CERS6: variants seen among roughly 807,000 people sequenced by gnomAD.
CERS6 encodes the protein LAG1 homolog, ceramide synthase 6.
Under a neutral mutation model 56.8 loss-of-function variants are expected in CERS6, and 26 were observed. That is an observed-to-expected ratio of 0.46 (90% CI 0.34 to 0.63). The LOEUF is 0.63. Among genes scored for constraint, CERS6 ranks in the 30% least tolerant of loss-of-function variants. The pLI, the probability that CERS6 is intolerant of heterozygous loss-of-function variation, is 0.01. For missense variants in CERS6, 415 were observed against 467.5 expected (o/e 0.89, Z 1.04); for synonymous variants, 164 against 173.3 (o/e 0.95, Z 0.42).
At chr2:168,503,932 G>A (rs1694630907) in intron 1 of CERS6, among the ~76,000 whole-genome samples, 3 of 152,162 alleles carry the variant, frequency 2.0e-5, no homozygotes, top group Admixed American at 2.0e-4. Flanking sequence ...TTTCTTAGGG[G>A]TCTGGAGAGG....
chr2:168,462,080 T>C (rs1693789683), intron 1 of CERS6, among the ~76,000 whole-genome samples: 1 of 152,262 alleles, frequency 6.6e-6, no homozygotes, highest in Non-Finnish European at 1.5e-5. Context: ...CCATGTTGTA[T>C]ATTAAAAGTT....
At chr2:168,577,822 T>C (rs1683314620) in intron 3 of CERS6, among the ~76,000 whole-genome samples, 1 of 151,616 alleles carries the variant, frequency 6.6e-6, no homozygotes. Context: ...TTTTGAGGAG[T>C]GGGGAGAAAG....
chr2:168,685,390 A>G (rs183033523), intron 4 of CERS6, among the ~76,000 whole-genome samples: 3 of 152,330 alleles, frequency 2.0e-5, no homozygotes, highest in East Asian at 3.9e-4. Context: ...TTATGTTTCT[A>G]TTTAACCATT....
chr2:168,762,285 A>G (rs1265107091), intron 8 of CERS6, among the ~76,000 whole-genome samples: 1 of 152,182 alleles, frequency 6.6e-6, no homozygotes, highest in Non-Finnish European at 1.5e-5. Context: ...GCTGTTTTTA[A>G]AATACTTATA....
At chr2:168,710,608 A>C (rs974101889) in intron 6 of CERS6, among the ~76,000 whole-genome samples, 1 of 152,236 alleles carries the variant, frequency 6.6e-6, no homozygotes, top group Non-Finnish European at 1.5e-5. Flanking sequence ...CACATGATGG[A>C]ATCTAATAAC....
At chr2:168,736,005 A>G (rs1353263116) in intron 8 of CERS6, among the ~76,000 whole-genome samples, 2 of 152,088 alleles carry the variant, frequency 1.3e-5, no homozygotes, top group African/African-American at 4.8e-5. Context: ...CAGGAGTTTA[A>G]GACTAGCCTG....
At chr2:168,479,634 G>A (rs1050877423) in intron 1 of CERS6, among the ~76,000 whole-genome samples, 2 of 152,126 alleles carry the variant, frequency 1.3e-5, no homozygotes, top group African/African-American at 4.8e-5. Context: ...TTGAGACAGA[G>A]TTTTGCTCTT....
At chr2:168,673,121 G>A (rs1685964214) in intron 4 of CERS6, among the ~76,000 whole-genome samples, 1 of 152,078 alleles carries the variant, frequency 6.6e-6, no homozygotes, top group South Asian at 2.1e-4. Context: ...TGAAGAGGGT[G>A]GGTATTAATT....
At chr2:168,753,105 T>C (rs1352890301) in intron 8 of CERS6, among the ~76,000 whole-genome samples, 1 of 152,200 alleles carries the variant, frequency 6.6e-6, no homozygotes, top group Non-Finnish European at 1.5e-5. Flanking sequence ...TGTCTTAGGC[T>C]TTTATTTTGT....
At chr2:168,711,961 T>A (rs1445919184) in intron 6 of CERS6, among the ~76,000 whole-genome samples, 1 of 147,302 alleles carries the variant, frequency 6.8e-6, no homozygotes, top group Non-Finnish European at 1.5e-5. Context: ...AACAAAAAAA[T>A]AATAACTGAA....
chr2:168,535,542 G>C (rs986436269), intron 1 of CERS6, among the ~76,000 whole-genome samples: 7 of 152,042 alleles, frequency 4.6e-5, no homozygotes, highest in Non-Finnish European at 8.8e-5. Context: ...TCTGATGAGA[G>C]AACGTGGATA....
intron 1 of CERS6, among the ~76,000 whole-genome samples, chr2:168,538,371 A>G (rs947732182): frequency 6.6e-6 from 1 of 152,034 alleles, no homozygotes; most frequent in Non-Finnish European, 1.5e-5. Context: ...CCTTCTGGAT[A>G]TGCCTTCAGC....
chr2:168,571,063 A>G (rs1029305267), intron 3 of CERS6, among the ~76,000 whole-genome samples: 1 of 152,124 alleles, frequency 6.6e-6, no homozygotes, highest in African/African-American at 2.4e-5. Context: ...GTTATGGGTT[A>G]TTCTGGGCCT....
chr2:168,725,382 C>CT (rs1559068949), intron 8 of CERS6, among the ~76,000 whole-genome samples: 1 of 152,250 alleles, frequency 6.6e-6, no homozygotes, highest in Admixed American at 6.5e-5. Flanking sequence ...CCTCAAGTGC[C>CT]GCCAAAGTGG....
intron 4 of CERS6, among the ~76,000 whole-genome samples, chr2:168,668,650 C>T (rs1685828890): frequency 6.6e-6 from 1 of 151,960 alleles, no homozygotes; most frequent in African/African-American, 2.4e-5. Context: ...GATGGGGTTT[C>T]ACCGTGTTGG....
chr2:168,685,992 C>T (rs780617158), intron 4 of CERS6, among the ~76,000 whole-genome samples: 2 of 149,844 alleles, frequency 1.3e-5, no homozygotes, highest in Non-Finnish European at 3.0e-5. Flanking sequence ...AATTAGTTGA[C>T]GTGTAATTTA....
chr2:168,637,336 G>A (rs770837777), intron 4 of CERS6, among the ~76,000 whole-genome samples: 3 of 152,110 alleles, frequency 2.0e-5, no homozygotes, highest in Non-Finnish European at 4.4e-5. Context: ...AAAAAAAGTA[G>A]CCAGGTTTGG....
At chr2:168,745,520 C>T (rs975547738) in intron 8 of CERS6, among the ~76,000 whole-genome samples, 3 of 152,068 alleles carry the variant, frequency 2.0e-5, no homozygotes, top group African/African-American at 7.2e-5. Context: ...GGATTACAGG[C>T]GTGAACCACT....
chr2:168,759,156 G>C (rs1367282852), intron 8 of CERS6, among the ~76,000 whole-genome samples: 2 of 152,276 alleles, frequency 1.3e-5, no homozygotes, highest in Non-Finnish European at 2.9e-5. Flanking sequence ...AGGTGTATCA[G>C]GGCATCAGCA....
Sources: gnomAD v4.1 joint callset for allele counts (sites outside exome capture counted in the v4.1 genomes callset) on GRCh38, gnomAD v4.1.1 for gene constraint, MANE v1.5 for transcripts, NCBI Gene and HGNC (gene_info 2026-07-23, HGNC 2026-07-21) for gene names.